Variants in TRERF1 observed in about 807,000 individuals in gnomAD.
The protein encoded by TRERF1 is transcriptional-regulating factor 1.
In TRERF1, 27 loss-of-function variants were observed where a neutral mutation model predicts 122.9. That is an observed-to-expected ratio of 0.22 (90% confidence interval 0.16 to 0.30). TRERF1 has a LOEUF of 0.30. TRERF1 is among the 10% of genes least tolerant of loss of function. The pLI is 1.00. For synonymous variants in TRERF1, 636 were observed against 641.7 expected (o/e 0.99, Z 0.13); for missense variants, 1,248 against 1,560.3 (o/e 0.80, Z 3.37).
intron 2 of TRERF1, among the ~76,000 whole-genome samples, chr6:42,444,818 C>A (rs1012847744): frequency 6.6e-6 from 1 of 152,208 alleles, no homozygotes; most frequent in Non-Finnish European, 1.5e-5. Flanking sequence ...TTTCTCTGCT[C>A]CTCGCCTTTC....
intron 2 of TRERF1, among the ~76,000 whole-genome samples, chr6:42,402,781 C>A (rs1014181371): frequency 6.6e-6 from 1 of 152,108 alleles, no homozygotes; most frequent in African/African-American, 2.4e-5. Flanking sequence ...CGAATGCTGC[C>A]CTCATGGAGA....
In TRERF1 at chr6:42,283,199, C is replaced by G. The variant is rs115207534; in HGVS notation, c.-258-13351G>C. Among the ~76,000 whole-genome samples the G allele has an allele frequency of 6.3e-3, 953 of 152,258 alleles. 6 individuals carry two copies. Among genetic ancestry groups the G allele is most frequent in the African/African-American group, 0.022 (918 of 41,534 alleles). On this transcript the variant is annotated intron_variant, in intron 4 of 17. Transcript: ENST00000372922. ...AGCACACTTGTGTCCAGCAGGAGAG[C>G]TGAAATAAGAAGGTGGAGTTGCCTT...
chr6:42,340,061 C>A (rs1417035681), intron 3 of TRERF1, among the ~76,000 whole-genome samples: 1 of 152,146 alleles, frequency 6.6e-6, no homozygotes, highest in Non-Finnish European at 1.5e-5. Flanking sequence ...CACCCCAGGG[C>A]TAAGTCTTGT....
chr6:42,290,987 T>C (rs972510296), intron 4 of TRERF1, among the ~76,000 whole-genome samples: 23 of 152,098 alleles, frequency 1.5e-4, no homozygotes, highest in Non-Finnish European at 8.8e-5. Context: ...CGTGAAAGGG[T>C]GTGCATGTCC....
chr6:42,413,378 G>A (rs1781389383), intron 2 of TRERF1, among the ~76,000 whole-genome samples: 1 of 151,098 alleles, frequency 6.6e-6, no homozygotes, highest in African/African-American at 2.4e-5. Context: ...TCTGGAGCTG[G>A]TTAGAAACGC....
chr6:42,317,524 A>T (rs967029141), intron 3 of TRERF1, among the ~76,000 whole-genome samples: 13 of 151,810 alleles, frequency 8.6e-5, no homozygotes, highest in African/African-American at 2.9e-4. Flanking sequence ...CCGGCTAATT[A>T]AAAAATTTTT....
chr6:42,377,688 C>T (rs1396056408), intron 2 of TRERF1, among the ~76,000 whole-genome samples: 1 of 152,206 alleles, frequency 6.6e-6, no homozygotes, highest in African/African-American at 2.4e-5. Context: ...ACTGTCCAAA[C>T]CCTCCCTACC....
chr6:42,292,682 TTTTCTAC>T (rs1248165364), intron 4 of TRERF1, among the ~76,000 whole-genome samples: 1 of 152,046 alleles, frequency 6.6e-6, no homozygotes, highest in Non-Finnish European at 1.5e-5. Flanking sequence ...ACGAAGGTGG[TTTTCTAC>T]TTTCTGGGAT....
chr6:42,251,739 G>T (rs76288062), intron 13 of TRERF1, among the ~76,000 whole-genome samples: 2 of 152,086 alleles, frequency 1.3e-5, no homozygotes, highest in Non-Finnish European at 2.9e-5. Context: ...AAGAGACAAG[G>T]CCTCTCCAAT....
exon 12 of TRERF1, chr6:42,256,812 C>A (rs1561838244): frequency 6.2e-7 from 1 of 1,614,232 alleles, no homozygotes. Flanking sequence ...TGGAACAGCA[C>A]AAATTCAGAA....
At chr6:42,264,589 A>C in intron 7 of TRERF1, 115 bp downstream of exon 7, 2 of 1,476,328 alleles carry the variant, frequency 1.4e-6, no homozygotes, top group Non-Finnish European at 1.8e-6. Context: ...CTGTCAAGGG[A>C]GGACTGTGCC....
At chr6:42,229,984 C>A (rs1367201387) in intron 17 of TRERF1, among the ~76,000 whole-genome samples, 1 of 152,170 alleles carries the variant, frequency 6.6e-6, no homozygotes, top group African/African-American at 2.4e-5. Context: ...CACAAAACCT[C>A]AAATATTAAC....
intron 10 of TRERF1, 104 bp from the exon 11 acceptor site, chr6:42,257,206 G>T: frequency 1.4e-6 from 2 of 1,383,552 alleles, no homozygotes; most frequent in Non-Finnish European, 2.0e-6. Context: ...AGTTCTTTCT[G>T]CAAGAATGCA....
chr6:42,447,639 G>A (rs963194088), intron 2 of TRERF1, among the ~76,000 whole-genome samples: 14 of 152,186 alleles, frequency 9.2e-5, no homozygotes, highest in African/African-American at 3.4e-4. Context: ...GCAGGACCAT[G>A]AGCACCATTT....
intron 4 of TRERF1, among the ~76,000 whole-genome samples, chr6:42,289,946 C>T (rs1483401717): frequency 6.6e-6 from 1 of 152,104 alleles, no homozygotes; most frequent in Admixed American, 6.5e-5. Context: ...TCAGATGTGA[C>T]CTAGATGTCA....
chr6:42,291,793 C>T (rs975059775), intron 4 of TRERF1, among the ~76,000 whole-genome samples: 2 of 152,066 alleles, frequency 1.3e-5, no homozygotes, highest in Admixed American at 1.3e-4. Context: ...GATCCACCCG[C>T]CTCGGCCTCC....
At chr6:42,443,474 A>G (rs1328780616) in intron 2 of TRERF1, among the ~76,000 whole-genome samples, 1 of 152,246 alleles carries the variant, frequency 6.6e-6, no homozygotes, top group Admixed American at 6.5e-5. Flanking sequence ...TCATAGCACA[A>G]TCCTTATTTG....
chr6:42,267,606 T>C (rs1439415747), intron 5 of TRERF1, among the ~76,000 whole-genome samples: 5 of 152,120 alleles, frequency 3.3e-5, no homozygotes, highest in Non-Finnish European at 5.9e-5. Flanking sequence ...CACTCCAGCC[T>C]GGGCTACAGG....
At chr6:42,374,779 G>C (rs1774511605) in intron 2 of TRERF1, among the ~76,000 whole-genome samples, 2 of 152,114 alleles carry the variant, frequency 1.3e-5, no homozygotes, top group South Asian at 4.2e-4. Flanking sequence ...AGGCTGACAT[G>C]GGTGGATTGC....
Sources: allele counts gnomAD v4.1 joint callset (sites outside exome capture counted in the v4.1 genomes callset), GRCh38; gene constraint gnomAD v4.1.1; transcripts MANE v1.5; gene names NCBI Gene and HGNC (gene_info 2026-07-23, HGNC 2026-07-21).